The following SLFN12L variants were observed in gnomAD, a reference collection of about 807,000 sequenced individuals.
SLFN12L encodes schlafen family member 12 like, also known as schlafen family member 12-like.
In SLFN12L, 34 loss-of-function variants were observed where a neutral mutation model predicts 34.8. That is an observed-to-expected ratio of 0.98 (90% CI 0.74 to 1.30). The LOEUF (loss-of-function observed/expected upper bound fraction) is 1.30, where lower values mean the gene tolerates loss of function less well. SLFN12L is among the 50% of genes most tolerant of loss of function. The probability of loss-of-function intolerance (pLI) is 0.00; values close to 1 mark genes in which losing one functional copy is unlikely to be tolerated. For synonymous variants in SLFN12L, 259 were observed against 247.5 expected, an observed-to-expected ratio of 1.05 and a Z score of -0.44; for missense variants, 703 against 696.2, an observed-to-expected ratio of 1.01 and a Z score of -0.11.
intron 1 of SLFN12L, among the ~76,000 whole-genome samples, chr17:35,530,358 AAAGAAAGGAAGG>A (rs1261648145): frequency 5.6e-5 from 6 of 107,278 alleles, no homozygotes; most frequent in African/African-American, 2.1e-4. Flanking sequence ...AAAAAAAGAG[AAAGAAAGGAAGG>A]AAGGAAGGAA....
At chr17:35,485,520 T>C (rs1914544985) in intron 2 of SLFN12L, among the ~76,000 whole-genome samples, 1 of 152,248 alleles carries the variant, frequency 6.6e-6, no homozygotes, top group Non-Finnish European at 1.5e-5. Flanking sequence ...CGCTGTTTAG[T>C]TAAGTCCCAT....
At chr17:35,482,571 C>T (rs902727613) in intron 2 of SLFN12L, among the ~76,000 whole-genome samples, 2 of 152,186 alleles carry the variant, frequency 1.3e-5, no homozygotes, top group Non-Finnish European at 2.9e-5. Flanking sequence ...CCACCCAAAT[C>T]GAGATTGCAG....
intron 2 of SLFN12L, among the ~76,000 whole-genome samples, chr17:35,483,212 T>C (rs1159755778): frequency 6.6e-6 from 1 of 152,176 alleles, no homozygotes; most frequent in Non-Finnish European, 1.5e-5. Context: ...TGCTGAGAGC[T>C]GAACATTCCA....
rs2142119116 is a variant in SLFN12L at position 35,470,187 on chromosome 17, T to C, written c.*4736A>G. 1 of 152,462 alleles carries C rather than the reference T, an allele frequency of 6.6e-6. No individual in the cohort carries two copies. The highest frequency in any genetic ancestry group is 1.9e-4 in the East Asian group (1 of 5,196). The allele number at this position is 152,462 out of a possible 1,614,324, so 9.4% of individuals were successfully genotyped here. On this transcript the variant is annotated 3_prime_UTR_variant, in exon 5 of 5. Transcript: ENST00000628453. Reference sequence around the variant, plus strand: ...AGTTTATATTTTCCTACTGCAAAACTATGTTCCATGTAGATCTGGCCCATC... The same window carrying C: ...AGTTTATATTTTCCTACTGCAAAACCATGTTCCATGTAGATCTGGCCCATC...
intron 2 of SLFN12L, among the ~76,000 whole-genome samples, chr17:35,493,737 T>C (rs532239840): frequency 6.6e-6 from 1 of 152,356 alleles, no homozygotes; most frequent in African/African-American, 2.4e-5. Flanking sequence ...ATGTACAGAG[T>C]TGTGCATAGC....
rs41324748 is a variant in SLFN12L, at chr17:35,498,384, A to G, written c.87-18189T>C. 9,214 of 1,186,242 alleles carry G rather than the reference A, an allele frequency of 7.8e-3. 51 individuals carry two copies. Among genetic ancestry groups the G allele is most frequent in the Non-Finnish European group, 9.6e-3 (7,581 of 791,042 alleles). The allele number at this position is 1,186,242 out of a possible 1,614,324, so 73.5% of individuals were successfully genotyped here. A position where few individuals can be genotyped will look rare whatever the true frequency, so the allele number is the denominator to read the frequency against. ...ACACAGAGAATCTCATTGTGCCGAC[A>G]TAGTGTCTGCAGTCCCTTGCCAGGC... On this transcript the variant is annotated intron_variant, in intron 2 of 4. Coordinates refer to ENST00000628453, the MANE Select transcript of SLFN12L (RefSeq NM_001363830.2).
At chr17:35,523,913 T>G (rs1047933035) in intron 1 of SLFN12L, among the ~76,000 whole-genome samples, 4 of 151,984 alleles carry the variant, frequency 2.6e-5, no homozygotes, top group African/African-American at 9.7e-5. Flanking sequence ...CCAGCCTAGG[T>G]GACTGAGTCA....
intron 2 of SLFN12L, among the ~76,000 whole-genome samples, chr17:35,499,442 C>G (rs1164828833): frequency 2.0e-5 from 3 of 152,154 alleles, no homozygotes; most frequent in Non-Finnish European, 4.4e-5. Flanking sequence ...AACCCTAAGC[C>G]TAATTAAAGA....
chr17:35,487,769 C>A, intron 2 of SLFN12L: 1 of 1,535,550 alleles, frequency 6.5e-7, no homozygotes, highest in Admixed American at 2.0e-5. Flanking sequence ...AGTAGGGGGA[C>A]CTGAGTTCTT....
chr17:35,470,113 G>A lies in SLFN12L; in HGVS notation c.*4810C>T, dbSNP rs1046584184. 6.6e-6 allele frequency: 1 copy of A among 152,196 alleles called. No homozygotes were observed. The highest frequency in any genetic ancestry group is 6.5e-5 in the Admixed American group (1 of 15,272). 9.4% of individuals were successfully genotyped at this position (152,196 alleles called of 1,614,324 possible). The stretch of plus-strand genomic sequence containing the variant: ...TCACCTCCATAAATCAAAACTTCAA[G>A]AGTACATTTTCATATAATATTTTAT... On this transcript the variant is annotated 3_prime_UTR_variant, in exon 5 of 5. Coordinates refer to ENST00000628453, the MANE Select transcript of SLFN12L (RefSeq NM_001363830.2).
At position 35,494,888 on chromosome 17, in the gene SLFN12L, A is replaced by ATTTT. The variant is rs1298157446; in HGVS notation, c.87-14697_87-14694dup. Among the ~76,000 whole-genome samples, 583 of 134,870 alleles carry ATTTT rather than the reference A, an allele frequency of 4.3e-3. 3 individuals are homozygous for ATTTT. Among genetic ancestry groups the ATTTT allele is most frequent in the Middle Eastern group, 0.027 (7 of 258 alleles). The allele number at this position is 134,870 out of a possible 152,430, so 88.5% of individuals were successfully genotyped here. ...TTGCGTTAATTTTATTAATTTATTT[A>ATTTT]TTTTATTTATTTATTTATTTATTTA... On this transcript the variant is annotated intron_variant, in intron 2 of 4. Coordinates refer to ENST00000628453, the MANE Select transcript of SLFN12L (RefSeq NM_001363830.2).
rs1164532700 is a variant in SLFN12L, at chr17:35,469,193, C to T, written c.*5730G>A. Among the ~76,000 whole-genome samples the T allele has an allele frequency of 1.3e-5, 2 of 149,734 alleles. No individual in the cohort carries two copies. The highest frequency in any genetic ancestry group is 3.0e-5 in the Non-Finnish European group (2 of 67,560). ...CCTGTGTCTCTGACCATGACCACTC[C>T]TCCTTGGTTATACACACACGCTAGT... On this transcript the variant is annotated 3_prime_UTR_variant, in exon 5 of 5. Coordinates refer to ENST00000628453, the MANE Select transcript of SLFN12L (RefSeq NM_001363830.2).
At chr17:35,498,173 A>G (rs1915157843) in intron 2 of SLFN12L, 5 of 296,112 alleles carry the variant, frequency 1.7e-5, no homozygotes, top group African/African-American at 2.8e-5. Context: ...TCGATCCGGG[A>G]GGCGGCGGCG....
At chr17:35,515,085 T>C (rs937725901) in intron 2 of SLFN12L, 2 of 626,862 alleles carry the variant, frequency 3.2e-6, no homozygotes, top group African/African-American at 3.7e-5. Context: ...ACGCCTATTC[T>C]TTAAGTTGGG....
chr17:35,506,148 T>C (rs11870756), intron 2 of SLFN12L, among the ~76,000 whole-genome samples: 73,635 of 151,904 alleles, frequency 0.48, 19,768 homozygotes, highest in African/African-American at 0.72. Context: ...GGCTCATAAA[T>C]GATATGAGTA....
At position 35,522,322 on chromosome 17, in the gene SLFN12L, T is replaced by C; in HGVS notation, c.43A>G (p.Ile15Val). ...RNVFHCEAHR[I>V]LYICESQFLR... ...AACTGACTTTCACAAATGTAGAGAA[T>C]TCTGTGTGCCTCACAGTGAAACACA... Residue 15 changes from isoleucine (I) to valine (V), a missense_variant, in exon 2 of 5, where the codon ATT becomes GTT. Coordinates refer to ENST00000628453, the MANE Select transcript of SLFN12L (RefSeq NM_001363830.2). 6.2e-7 allele frequency: 1 copy of C among 1,614,216 alleles called. No individual in the cohort carries two copies.
In SLFN12L at chr17:35,484,814, CA is replaced by C. The variant is rs370107619; in HGVS notation, c.87-4620del. On this transcript the variant is annotated intron_variant, in intron 2 of 4. Transcript: ENST00000628453. Reference sequence around the variant, plus strand: ...AATTGTTTATATTGACAGAGGCTCACAAAAAAAAAATTTACTCGGGTAGAAT... The same window carrying C: ...AATTGTTTATATTGACAGAGGCTCACAAAAAAAAATTTACTCGGGTAGAAT... 2.2e-3 allele frequency among the ~76,000 whole-genome samples: 331 copies of C among 149,532 alleles called. 1 individual carries two copies. The highest frequency in any genetic ancestry group is 7.2e-3 in the African/African-American group (296 of 40,836).
At chr17:35,533,060 A>C (rs2072426675) in intron 1 of SLFN12L, among the ~76,000 whole-genome samples, 1 of 152,204 alleles carries the variant, frequency 6.6e-6, no homozygotes, top group Non-Finnish European at 1.5e-5. Context: ...ATCTCTTATC[A>C]TCTTAATAAT....
chr17:35,517,943 G>A (rs1307994952), intron 2 of SLFN12L, among the ~76,000 whole-genome samples: 4 of 152,034 alleles, frequency 2.6e-5, no homozygotes, highest in South Asian at 2.1e-4. Flanking sequence ...CCATAAAAAC[G>A]CTAAAAGAAA....
Sources: gnomAD v4.1 joint callset for allele counts (sites outside exome capture counted in the v4.1 genomes callset) on GRCh38, gnomAD v4.1.1 for gene constraint, MANE v1.5 for transcripts, NCBI Gene and HGNC (gene_info 2026-07-23, HGNC 2026-07-21) for gene names.